FBXL17: variants seen among roughly 807,000 people sequenced by gnomAD.
FBXL17 encodes the protein F-box/LRR-repeat protein 17.
In FBXL17, 22 loss-of-function variants were observed where a neutral mutation model predicts 66.2. That is an observed-to-expected ratio of 0.33 (90% CI 0.24 to 0.47). FBXL17 has a LOEUF of 0.47. FBXL17 is among the 20% of genes least tolerant of loss of function. The pLI is 1.00. For missense variants in FBXL17, 878 were observed against 948.2 expected (o/e 0.93, Z 0.97); for synonymous variants, 474 against 400.5 (o/e 1.18, Z -2.19).
chr5:108,157,659 T>C (rs570032533), intron 6 of FBXL17, among the ~76,000 whole-genome samples: 2 of 151,710 alleles, frequency 1.3e-5, no homozygotes, highest in African/African-American at 4.8e-5. Flanking sequence ...TAAATTCATA[T>C]AATGGTACTG....
chr5:108,116,483 CAAAAAA>C (rs34773737), intron 6 of FBXL17, among the ~76,000 whole-genome samples: 1 of 134,568 alleles, frequency 7.4e-6, no homozygotes, highest in Non-Finnish European at 1.6e-5. Context: ...ACTAAAAATA[CAAAAAA>C]AAAAAAAAAT....
At chr5:108,113,349 G>A (rs930038541) in intron 6 of FBXL17, among the ~76,000 whole-genome samples, 2 of 152,138 alleles carry the variant, frequency 1.3e-5, no homozygotes, top group African/African-American at 4.8e-5. Flanking sequence ...ATATGCAAGA[G>A]AGATAGATGC....
intron 1 of FBXL17, among the ~76,000 whole-genome samples, chr5:108,374,878 A>G (rs1749312181): frequency 6.6e-6 from 1 of 152,186 alleles, no homozygotes; most frequent in Non-Finnish European, 1.5e-5. Flanking sequence ...TACAGAAACA[A>G]GTAACTACAT....
chr5:108,375,713 C>T (rs1363650915), intron 1 of FBXL17, among the ~76,000 whole-genome samples: 1 of 152,124 alleles, frequency 6.6e-6, no homozygotes, highest in Non-Finnish European at 1.5e-5. Flanking sequence ...AGAATGAACA[C>T]CAATCTATCT....
chr5:108,227,767 A>G (rs2922426), intron 4 of FBXL17, among the ~76,000 whole-genome samples: 82,487 of 152,074 alleles, frequency 0.54, 23,013 homozygotes, highest in African/African-American at 0.68. Context: ...AAGACTAAGG[A>G]TGCCATTGAT....
chr5:108,083,250 C>CACACACACACACACACACACAG (rs369652150), intron 6 of FBXL17, among the ~76,000 whole-genome samples: 32 of 145,680 alleles, frequency 2.2e-4, no homozygotes, highest in African/African-American at 7.8e-4. Flanking sequence ...CACACACACA[C>CACACACACACACACACACACAG]AGAGAGAGAG....
chr5:108,139,755 A>G (rs925471578), intron 6 of FBXL17, among the ~76,000 whole-genome samples: 13 of 152,138 alleles, frequency 8.5e-5, no homozygotes, highest in African/African-American at 2.7e-4. Context: ...ATCACCATCC[A>G]TCTTCTTTCT....
In FBXL17 at chr5:107,879,939, G is replaced by A. The variant is rs914172399; in HGVS notation, c.1965+1098C>T. ...CTTGCCAGAGTATCCTGGGGCCACTGACTGGTCTTTCTGAGCCTCCATTTT... is the reference window on the plus strand; with the variant it reads ...CTTGCCAGAGTATCCTGGGGCCACTAACTGGTCTTTCTGAGCCTCCATTTT... On this transcript the variant is annotated intron_variant, in intron 8 of 8. Transcript: ENST00000542267. The A allele has an allele frequency of 5.1e-6, 5 of 981,962 alleles. No homozygotes were observed. In the African/African-American group the frequency reaches 8.7e-5, roughly 17 times the overall value. The allele number at this position is 981,962 out of a possible 1,614,324, so 60.8% of individuals were successfully genotyped here.
chr5:108,192,884 C>T (rs1418802234), intron 5 of FBXL17, among the ~76,000 whole-genome samples: 57 of 152,068 alleles, frequency 3.7e-4, no homozygotes, highest in Non-Finnish European at 5.9e-5. Flanking sequence ...TGAAACAAAA[C>T]CCTCAATTGT....
intron 5 of FBXL17, among the ~76,000 whole-genome samples, chr5:108,193,761 T>C (rs1400637876): frequency 6.6e-6 from 1 of 152,170 alleles, no homozygotes; most frequent in East Asian, 1.9e-4. Flanking sequence ...TACAGGGTCT[T>C]GGAATTAATA....
chr5:108,362,299 G>A (rs1330997121), intron 3 of FBXL17, among the ~76,000 whole-genome samples: 1 of 152,128 alleles, frequency 6.6e-6, no homozygotes. Context: ...TGAGCTCCAT[G>A]AGCTGGAGTG....
intron 4 of FBXL17, among the ~76,000 whole-genome samples, chr5:108,262,070 A>ATTTTTTTTTTTTTTTTTTTT (rs200282593): frequency 7.2e-6 from 1 of 138,932 alleles, no homozygotes; most frequent in African/African-American, 3.1e-5. Context: ...TTATTTATTT[A>ATTTTTTTTTTTTTTTTTTTT]TTTATTTATT....
At position 108,322,381 on chromosome 5, in the gene FBXL17, A is replaced by G. The variant is rs1334001776; in HGVS notation, c.1506+26018T>C. ...AGAAAAAAAGGGAACAATCTTATGA[A>G]CCAATTATGAAAGACCTGTTAAGTG... On this transcript the variant is annotated intron_variant, in intron 4 of 8. Coordinates refer to ENST00000542267, the MANE Select transcript of FBXL17 (RefSeq NM_001163315.3). Among the ~76,000 whole-genome samples the G allele has an allele frequency of 5.3e-5, 8 of 151,970 alleles. No individual in the cohort carries two copies. The East Asian group carries it at 1.5e-3, about 29-fold the overall frequency.
intron 4 of FBXL17, among the ~76,000 whole-genome samples, chr5:108,302,522 T>TC (rs1758638859): frequency 6.6e-6 from 1 of 151,790 alleles, no homozygotes; most frequent in African/African-American, 2.4e-5. Context: ...AAGAGATACT[T>TC]ACAAGACATA....
chr5:108,366,548 C>A (rs1580900397), intron 2 of FBXL17, among the ~76,000 whole-genome samples: 1 of 147,650 alleles, frequency 6.8e-6, no homozygotes, highest in African/African-American at 2.5e-5. Flanking sequence ...CCACACCTTA[C>A]TACCAGTAGC....
chr5:107,959,381 A>AACACACACACACAC (rs57041975), intron 7 of FBXL17, among the ~76,000 whole-genome samples: 2,716 of 147,948 alleles, frequency 0.018, 92 homozygotes, highest in African/African-American at 0.064. Context: ...GGCTGCTATA[A>AACACACACACACAC]ACACACACAC....
In FBXL17 at chr5:107,859,390, G is replaced by GTTTTTTTTTTTTTTTTTTTTT. The variant is rs549840338; in HGVS notation, c.*2309_*2329dup. 4 of 60,180 alleles carry GTTTTTTTTTTTTTTTTTTTTT rather than the reference G, an allele frequency of 6.6e-5. No individual in the cohort carries two copies. Among genetic ancestry groups the GTTTTTTTTTTTTTTTTTTTTT allele is most frequent in the Non-Finnish European group, 1.1e-4 (4 of 35,004 alleles). 3.7% of individuals were successfully genotyped at this position (60,180 alleles called of 1,614,324 possible). ...CTCAAGGTGATGCTTTTTTCTGGCT[G>GTTTTTTTTTTTTTTTTTTTTT]TTTTTTTTTTTTTTTTTTTTTTTTT... On this transcript the variant is annotated 3_prime_UTR_variant, in exon 9 of 9. Coordinates refer to ENST00000542267, the MANE Select transcript of FBXL17 (RefSeq NM_001163315.3).
intron 4 of FBXL17, among the ~76,000 whole-genome samples, chr5:108,233,320 T>C (rs924880037): frequency 6.6e-6 from 1 of 152,200 alleles, no homozygotes; most frequent in African/African-American, 2.4e-5. Context: ...TGCATATGTA[T>C]ACCAATTTTG....
chr5:107,888,401 CAT>C (rs1445731747), intron 7 of FBXL17, among the ~76,000 whole-genome samples: 1 of 152,132 alleles, frequency 6.6e-6, no homozygotes, highest in African/African-American at 2.4e-5. Flanking sequence ...GAAAGTTGCA[CAT>C]GTCTGAAGGG....
Sources: gnomAD v4.1 joint callset for allele counts (sites outside exome capture counted in the v4.1 genomes callset) on GRCh38, gnomAD v4.1.1 for gene constraint, MANE v1.5 for transcripts, NCBI Gene and HGNC (gene_info 2026-07-23, HGNC 2026-07-21) for gene names.